The following BEST3 variants were observed in gnomAD, a reference collection of about 807,000 sequenced individuals.
BEST3 encodes bestrophin 3, also known as bestrophin-3.
In BEST3, 50 loss-of-function variants were observed where a neutral mutation model predicts 47.1. That is an observed-to-expected ratio of 1.06 (90% CI 0.85 to 1.34). The LOEUF (loss-of-function observed/expected upper bound fraction) is 1.34. BEST3 is among the 40% of genes most tolerant of loss of function. The probability of loss-of-function intolerance (pLI) is 0.00; values close to 1 mark genes in which losing one functional copy is unlikely to be tolerated. For missense variants in BEST3, 765 were observed against 817.0 expected (o/e 0.94, Z 0.78); for synonymous variants, 282 against 298.8 (o/e 0.94, Z 0.58).
At chr12:69,679,914 C>CGTGT (rs35274840) in intron 4 of BEST3, among the ~76,000 whole-genome samples, 45,261 of 150,078 alleles carry the variant, frequency 0.3, 7,241 homozygotes, top group South Asian at 0.5. Context: ...TGTATGCATG[C>CGTGT]GTGTGTGTGT....
chr12:69,689,099 G>T, intron 4 of BEST3: 1 of 985,512 alleles, frequency 1.0e-6, no homozygotes, highest in South Asian at 4.7e-5. Flanking sequence ...GCAGGAGCAG[G>T]TGCTCCGGCT....
At position 69,694,381 on chromosome 12, in the gene BEST3, G is replaced by A. The variant is rs755331841; in HGVS notation, c.236C>T (p.Thr79Ile). Reference sequence around the variant, plus strand: ...TGACCTATACTTACCAAGCACAAAGGTTACTGGAATTTGTTCAGCATATCT... The same window carrying A: ...TGACCTATACTTACCAAGCACAAAGATTACTGGAATTTGTTCAGCATATCT... Reference protein sequence around the residue: ...CDRYAEQIPVTFVLGFYVTLV... With the variant: ...CDRYAEQIPVIFVLGFYVTLV... The change falls in exon 3 of 10, where the codon ACC becomes ATC. Residue 79 changes from threonine (T) to isoleucine (I), a missense_variant. Physicochemically the swap from Thr to Ile is moderately conservative, Grantham distance 89. Coordinates refer to ENST00000330891, the MANE Select transcript of BEST3 (RefSeq NM_032735.3). 1.9e-6 allele frequency: 3 copies of A among 1,603,160 alleles called. No individual in the cohort carries two copies. Among genetic ancestry groups the A allele is most frequent in the South Asian group, 2.2e-5 (2 of 89,782 alleles).
At chr12:69,671,269 A>G (rs967127680) in intron 9 of BEST3, among the ~76,000 whole-genome samples, 159 bp downstream of exon 9, 1 of 152,156 alleles carries the variant, frequency 6.6e-6, no homozygotes, top group African/African-American at 2.4e-5. Context: ...GGCTCAAGCA[A>G]TCCTCCAACT....
chr12:69,650,313 A>G (rs1396970731), downstream of BEST3, among the ~76,000 whole-genome samples: 1 of 152,186 alleles, frequency 6.6e-6, no homozygotes, highest in Non-Finnish European at 1.5e-5. Flanking sequence ...GTATTCTTGA[A>G]TTGGTTCTTT....
At chr12:69,662,128 A>G (rs979989797) in intron 9 of BEST3, among the ~76,000 whole-genome samples, 3 of 152,210 alleles carry the variant, frequency 2.0e-5, no homozygotes, top group African/African-American at 7.2e-5. Flanking sequence ...TCACAGTATG[A>G]AAGAATCCTT....
At chr12:69,679,492 T>C (rs998370487) in intron 4 of BEST3, among the ~76,000 whole-genome samples, 13 of 152,338 alleles carry the variant, frequency 8.5e-5, no homozygotes, top group African/African-American at 2.9e-4. Flanking sequence ...ATGTTTCCCT[T>C]ACTATGACCC....
chr12:69,683,366 G>T (rs1885365055), intron 4 of BEST3: 1 of 152,178 alleles, frequency 6.6e-6, no homozygotes, highest in South Asian at 2.1e-4. Flanking sequence ...TCCTTGCAGG[G>T]TCACACATCT....
At chr12:69,643,887 C>G (rs551713529) in intron 9 of BEST3, 81 of 534,310 alleles carry the variant, frequency 1.5e-4, no homozygotes, top group African/African-American at 1.5e-3. Context: ...TTCACATAGG[C>G]CACCACACAT....
downstream of BEST3, among the ~76,000 whole-genome samples, chr12:69,650,053 CA>C (rs1314211873): frequency 6.6e-6 from 1 of 152,154 alleles, no homozygotes; most frequent in Non-Finnish European, 1.5e-5. Flanking sequence ...AAATAAAACA[CA>C]AAAACGTAAT....
At chr12:69,673,031 A>T in intron 7 of BEST3, 66 bp from the exon 8 acceptor site, 1 of 1,254,780 alleles carries the variant, frequency 8.0e-7, no homozygotes, top group South Asian at 1.3e-5. Flanking sequence ...GAGACTGAAG[A>T]TGATTCCTGT....
Position 69,677,215 on chromosome 12 carries a change from AACCGAATAAGAGGCTGC to A in BEST3, c.662_678del (p.Cys221LeufsTer2), listed in dbSNP as rs755812933. On this transcript the variant is annotated frameshift_variant, in exon 6 of 10. Coordinates refer to ENST00000330891, the MANE Select transcript of BEST3 (RefSeq NM_032735.3). LOFTEE classifies it high-confidence loss of function. Reference sequence around the variant, plus strand: ...ACCAGCGGAATCCCAACCCAGTCATAACCGAATAAGAGGCTGCACCAAGAGCGGTATCGATTCATTTC... The same window carrying A: ...ACCAGCGGAATCCCAACCCAGTCATAACCAAGAGCGGTATCGATTCATTTC... 2 of 1,613,780 alleles carry A rather than the reference AACCGAATAAGAGGCTGC, an allele frequency of 1.2e-6. No individual in the cohort carries two copies. The highest frequency in any genetic ancestry group is 1.7e-6 in the Non-Finnish European group (2 of 1,179,818).
At chr12:69,649,847 C>T (rs538038983), downstream of BEST3, among the ~76,000 whole-genome samples, 1 of 152,354 alleles carries the variant, frequency 6.6e-6, no homozygotes, top group South Asian at 2.1e-4. Flanking sequence ...AACGCACCAG[C>T]GCTTTTGTGC....
At chr12:69,673,315 A>G (rs1418119880) in intron 7 of BEST3, among the ~76,000 whole-genome samples, 3 of 152,240 alleles carry the variant, frequency 2.0e-5, no homozygotes, top group African/African-American at 7.2e-5. Flanking sequence ...TACACAGGCT[A>G]TGCTTTCAGG....
chr12:69,664,042 A>T (rs12367331), intron 9 of BEST3, among the ~76,000 whole-genome samples: 16,124 of 152,258 alleles, frequency 0.11, 1,125 homozygotes, highest in Middle Eastern at 0.17. Context: ...AATTATCACT[A>T]TTTAGTAAAT....
chr12:69,671,522 T>C lies in BEST3; in HGVS notation c.1006A>G (p.Ile336Val). The C allele has an allele frequency of 6.2e-7, 1 of 1,613,996 alleles. No homozygotes were observed. Among genetic ancestry groups the C allele is most frequent in the East Asian group, 2.2e-5 (1 of 44,888 alleles). Residue 336 changes from isoleucine (I) to valine (V), a missense_variant, in exon 9 of 10, where the codon ATT becomes GTT. By Grantham distance (29) the Ile-to-Val change is conservative. Transcript: ENST00000330891. ...HMSLPKMKKD[I>V]YWDDSAARPP... ...CGAGCAGCAGAATCGTCCCAGTAAA[T>C]GTCCTTCTTCATCTTGGGTAAGCTC...
intron 7 of BEST3, among the ~76,000 whole-genome samples, chr12:69,674,350 G>A (rs1164264849): frequency 6.6e-6 from 1 of 152,092 alleles, no homozygotes; most frequent in Non-Finnish European, 1.5e-5. Context: ...TGATGCCTGG[G>A]TCCCTCCCCG....
chr12:69,651,786 GAA>G (rs5798944), downstream of BEST3, among the ~76,000 whole-genome samples: 279 of 97,196 alleles, frequency 2.9e-3, 4 homozygotes, highest in East Asian at 0.046. Context: ...AAAAAAAAAA[GAA>G]AAAAAAAAAA....
chr12:69,684,211 T>C (rs1310940592), intron 4 of BEST3: 3 of 210,176 alleles, frequency 1.4e-5, no homozygotes, highest in African/African-American at 6.8e-5. Context: ...TCGCTTTTTC[T>C]TCTGGCTGGC....
At chr12:69,698,260 T>C (rs908170598) in intron 1 of BEST3, among the ~76,000 whole-genome samples, 5 of 152,226 alleles carry the variant, frequency 3.3e-5, no homozygotes, top group African/African-American at 1.2e-4. Context: ...GTCATAGTGA[T>C]AAATAAGAAT....
Sources: gnomAD v4.1 joint callset for allele counts (sites outside exome capture counted in the v4.1 genomes callset) on GRCh38, gnomAD v4.1.1 for gene constraint, MANE v1.5 for transcripts, NCBI Gene and HGNC (gene_info 2026-07-23, HGNC 2026-07-21) for gene names.